Variants in OTOF observed in about 807,000 individuals in gnomAD.
OTOF encodes the protein otoferlin.
Under a neutral mutation model 236.8 loss-of-function variants are expected in OTOF, and 218 were observed. The ratio of observed to expected loss-of-function variants is 0.92; its 90% confidence interval spans 0.82 to 1.03. The LOEUF is 1.03. OTOF is among the 50% of genes least tolerant of loss of function. OTOF has a pLI of 0.00. For missense variants in OTOF, 2,590 were observed against 2,694.4 expected (o/e 0.96, Z 0.86); for synonymous variants, 1,041 against 1,072.5 (o/e 0.97, Z 0.57).
At position 26,525,327 on chromosome 2, in the gene OTOF, C is replaced by G. The variant is rs182500483; in HGVS notation, c.227+2505G>C. 4.3e-3 allele frequency among the ~76,000 whole-genome samples: 653 copies of G among 152,326 alleles called. 1 individual carries two copies. The highest frequency in any genetic ancestry group is 6.6e-3 in the Non-Finnish European group (451 of 68,016). On this transcript the variant is annotated intron_variant, in intron 3 of 46. Coordinates refer to ENST00000272371, the MANE Select transcript of OTOF (RefSeq NM_194248.3). ...TTGGAGCCCATATGGTGGGGCCTTT[C>G]CTGACTCAGAAATCCCCTCTACAAT...
At chr2:26,492,350 T>G (rs1209212460) in intron 9 of OTOF, among the ~76,000 whole-genome samples, 1 of 152,146 alleles carries the variant, frequency 6.6e-6, no homozygotes, top group African/African-American at 2.4e-5. Flanking sequence ...AGTGCTGAGT[T>G]TGAGAAACCC....
At chr2:26,491,323 G>C (rs1436404643) in intron 9 of OTOF, among the ~76,000 whole-genome samples, 1 of 152,126 alleles carries the variant, frequency 6.6e-6, no homozygotes, top group East Asian at 1.9e-4. Flanking sequence ...AGGGGTGACT[G>C]GGGGGAGGAA....
At chr2:26,500,557 C>T (rs1340631946) in intron 8 of OTOF, among the ~76,000 whole-genome samples, 1 of 152,082 alleles carries the variant, frequency 6.6e-6, no homozygotes, top group African/African-American at 2.4e-5. Context: ...GGTGAGGGGC[C>T]GGCATTCTCA....
intron 3 of OTOF, among the ~76,000 whole-genome samples, chr2:26,519,968 T>C (rs1014119331): frequency 2.6e-5 from 4 of 152,212 alleles, no homozygotes; most frequent in African/African-American, 9.6e-5. Context: ...TAGCCTCTGT[T>C]TGACATTTCT....
chr2:26,494,348 C>T lies in OTOF; in HGVS notation c.897+594G>A, dbSNP rs75438310. Among the ~76,000 whole-genome samples, 845 of 152,314 alleles carry T rather than the reference C, an allele frequency of 5.5e-3. 19 individuals carry two copies. In the East Asian group the frequency reaches 0.065, roughly 12 times the overall value. Reference sequence around the variant, plus strand: ...AAGGCCAGTGCTCTGGAGAGAAGCCCGCAGAAGTTTAGGCAACCATGAAGG... The same window carrying T: ...AAGGCCAGTGCTCTGGAGAGAAGCCTGCAGAAGTTTAGGCAACCATGAAGG... On this transcript the variant is annotated intron_variant, in intron 9 of 46. Transcript: ENST00000272371.
intron 1 of OTOF, among the ~76,000 whole-genome samples, chr2:26,538,237 G>A (rs535080530): frequency 2.0e-5 from 3 of 152,328 alleles, no homozygotes; most frequent in East Asian, 3.9e-4. Context: ...GCCTCCTTCT[G>A]CAGCCACCCC....
intron 33 of OTOF, among the ~76,000 whole-genome samples, chr2:26,467,858 C>T (rs1664809665): frequency 2.6e-5 from 4 of 152,228 alleles, no homozygotes. Flanking sequence ...TTAGCATTTC[C>T]CAAACCTCAT....
At position 26,477,537 on chromosome 2, in the gene OTOF, G is replaced by C. The variant is rs1374488707; in HGVS notation, c.2316-31C>G. The C allele has an allele frequency of 6.3e-7, 1 of 1,595,712 alleles. No individual in the cohort carries two copies. The highest frequency in any genetic ancestry group is 1.3e-5 in the African/African-American group (1 of 74,634). On this transcript the variant is annotated intron_variant, in intron 19 of 46. Transcript: ENST00000272371. This position sits in a 1 kb window ranked among gnomAD's most constrained non-coding sequence, Gnocchi z 4.7. ...GGTAGGGCGAGCCGGGGTTTAGCGA[G>C]CCTGACCAGCAGGGGCTCTGTAGAT...
intron 39 of OTOF, 54 bp downstream of exon 39, chr2:26,464,815 G>A: frequency 6.5e-7 from 1 of 1,549,144 alleles, no homozygotes; most frequent in Non-Finnish European, 8.8e-7. Flanking sequence ...GCCCCTCCTG[G>A]CCTCTGAAAC....
chr2:26,482,513 A>T lies in OTOF; in HGVS notation c.1472T>A (p.Leu491His). 1.2e-6 allele frequency: 2 copies of T among 1,613,330 alleles called. No homozygotes were observed. Among genetic ancestry groups the T allele is most frequent in the Non-Finnish European group, 1.7e-6 (2 of 1,179,992 alleles). ...GATCTGCACCTTCATGCGTTTGCAG[A>T]GTGGGGGGAAGAGGTCTGTAAAGAC... The part of the protein sequence containing the change: ...QVVFTDLFPP[L>H]CKRMKVQIRD... The change falls in exon 14 of 47, where the codon CTC becomes CAC. Residue 491 changes from leucine (L) to histidine (H), a missense_variant. By Grantham distance (99) the Leu-to-His change is moderately conservative. Coordinates refer to ENST00000272371, the MANE Select transcript of OTOF (RefSeq NM_194248.3).
At chr2:26,494,653 G>A (rs1179464139) in intron 9 of OTOF, among the ~76,000 whole-genome samples, 1 of 120,530 alleles carries the variant, frequency 8.3e-6, no homozygotes, top group East Asian at 4.8e-4. Context: ...TTGGGGAGTG[G>A]GGTGGGGGGG....
Position 26,480,267 on chromosome 2 carries a change from G to T in OTOF, c.1848C>A (p.Phe616Leu). 1 of 1,612,874 alleles carries T rather than the reference G, an allele frequency of 6.2e-7. No homozygotes were observed. The highest frequency in any genetic ancestry group is 8.5e-7 in the Non-Finnish European group (1 of 1,179,520). Reference sequence around the variant, plus strand: ...TCCGGTCGATCATTGAGGCCTCCAGGAAGGCTCCAAAGAGAAAGAATTCTT... The same window carrying T: ...TCCGGTCGATCATTGAGGCCTCCAGTAAGGCTCCAAAGAGAAAGAATTCTT... ...KMEEFFLFGA[F>L]LEASMIDRRN... Residue 616 changes from phenylalanine (F) to leucine (L), a missense_variant, in exon 16 of 47, where the codon TTC becomes TTA. Phe to Leu is a conservative substitution (Grantham distance 22, BLOSUM62 0). Transcript: ENST00000272371.
At chr2:26,552,811 G>C (rs981764613) in intron 1 of OTOF, among the ~76,000 whole-genome samples, 3 of 152,180 alleles carry the variant, frequency 2.0e-5, no homozygotes, top group Non-Finnish European at 2.9e-5. Flanking sequence ...GCAGGGCTGT[G>C]TCCACAGCCA....
intron 5 of OTOF, among the ~76,000 whole-genome samples, chr2:26,511,823 C>A (rs902961165): frequency 2.6e-5 from 4 of 152,192 alleles, no homozygotes; most frequent in Admixed American, 2.6e-4. Flanking sequence ...GGGGCTCAGC[C>A]TGGAGAAGGA....
At chr2:26,472,478 C>T in intron 30 of OTOF, 41 bp downstream of exon 30, 1 of 1,612,578 alleles carries the variant, frequency 6.2e-7, no homozygotes, top group Non-Finnish European at 8.5e-7. Flanking sequence ...CACGAAGTTG[C>T]ATGTTCCCAG....
chr2:26,466,228 T>G (rs1664720252), intron 36 of OTOF, 152 bp from the exon 37 acceptor site: 16 of 861,730 alleles, frequency 1.9e-5, no homozygotes, highest in Non-Finnish European at 3.0e-5. Flanking sequence ...CCTAGGCAAG[T>G]GGCTACCCCT....
intron 8 of OTOF, among the ~76,000 whole-genome samples, chr2:26,495,455 T>TA (rs1387057992): frequency 1.3e-5 from 2 of 152,272 alleles, no homozygotes; most frequent in Non-Finnish European, 2.9e-5. Context: ...GATGGAGTCT[T>TA]ACTCTGTTGC....
chr2:26,465,005 G>A lies in OTOF; in HGVS notation c.4824C>T (p.Asp1608=), dbSNP rs1389336561. The A allele has an allele frequency of 3.3e-6, 5 of 1,495,138 alleles. No individual in the cohort carries two copies. Among genetic ancestry groups the A allele is most frequent in the East Asian group, 2.4e-5 (1 of 41,296 alleles). 92.6% of individuals were successfully genotyped at this position (1,495,138 alleles called of 1,614,324 possible). ...TCAGGATCTGGCTGGGCTTCATGGGGTCCCGCCAGATATTGTAGCCATGTC... is the reference window on the plus strand; with the variant it reads ...TCAGGATCTGGCTGGGCTTCATGGGATCCCGCCAGATATTGTAGCCATGTC... The part of the protein sequence containing the change: ...YSTHGYNIWR[D]PMKPSQILTR... The change falls in exon 39 of 47, where the codon GAC becomes GAT. Residue 1608 remains aspartate, a synonymous_variant. Coordinates refer to ENST00000272371, the MANE Select transcript of OTOF (RefSeq NM_194248.3).
chr2:26,465,125 GCCCT>G, intron 38 of OTOF, 96 bp from the exon 39 acceptor site: 2 of 1,091,538 alleles, frequency 1.8e-6, no homozygotes, highest in Non-Finnish European at 2.5e-6. Flanking sequence ...GTTGGCTGTT[GCCCT>G]CATCAGCAAG....
Sources: allele counts gnomAD v4.1 joint callset (sites outside exome capture counted in the v4.1 genomes callset), GRCh38; gene constraint gnomAD v4.1.1; non-coding constraint Gnocchi (gnomAD v3.1); transcripts MANE v1.5; gene names NCBI Gene and HGNC (gene_info 2026-07-23, HGNC 2026-07-21).